The following LDB3 variants were observed in gnomAD, a reference collection of about 807,000 sequenced individuals.
LDB3 encodes the protein LIM domain-binding protein 3.
A neutral mutation model predicts 69.0 loss-of-function variants in LDB3; 49 were observed. The observed-to-expected ratio is 0.71, with a 90% CI of 0.56 to 0.90. The LOEUF is 0.90. Among genes scored for constraint, LDB3 ranks in the 40% least tolerant of loss-of-function variants. LDB3 has a pLI of 0.00. For missense variants in LDB3, 928 were observed against 974.1 expected (o/e 0.95, Z 0.63); for synonymous variants, 387 against 396.2 (o/e 0.98, Z 0.28).
In LDB3 at chr10:86,726,236, C is replaced by T; in HGVS notation, c.2078C>T (p.Thr693Ile). 1.9e-6 allele frequency: 3 copies of T among 1,613,964 alleles called. No individual in the cohort carries two copies. Among genetic ancestry groups the T allele is most frequent in the Non-Finnish European group, 2.5e-6 (3 of 1,179,880 alleles). The change falls in exon 13 of 14, where the codon ACC becomes ATC. Residue 693 changes from threonine to isoleucine, a missense_variant. Transcript: ENST00000361373. ...GCCCTGGGCCACACTTGGCACGACACCTGCTTCATTTGCGCAGTATGTCTC... is the reference window on the plus strand; with the variant it reads ...GCCCTGGGCCACACTTGGCACGACATCTGCTTCATTTGCGCAGTATGTCTC... ...IEALGHTWHDTCFICAVCHVN... is the reference protein window; with the variant it reads ...IEALGHTWHDICFICAVCHVN...
In LDB3 at chr10:86,732,872, T is replaced by A; in HGVS notation, c.2095-15T>A. 1 of 1,609,964 alleles carries A rather than the reference T, an allele frequency of 6.2e-7. No homozygotes were observed. The highest frequency in any genetic ancestry group is 2.2e-5 in the East Asian group (1 of 44,826). ...GTGCCACGTGGGTCTCACGCAGGTC[T>A]GTTCTCTGCTCCAGGTCTGCCATGT... On this transcript the variant is annotated splice_polypyrimidine_tract_variant and intron_variant, in intron 13 of 13. Transcript: ENST00000361373.
intron 9 of LDB3, chr10:86,710,286 G>A: frequency 2.0e-6 from 2 of 984,158 alleles, no homozygotes; most frequent in South Asian, 4.7e-5. Flanking sequence ...GAGAGCGAAG[G>A]AGAGCAGAGA....
chr10:86,708,939 C>G (rs1846541146), intron 8 of LDB3, among the ~76,000 whole-genome samples: 2 of 152,156 alleles, frequency 1.3e-5, no homozygotes, highest in African/African-American at 2.4e-5. Context: ...GAGGAACAGA[C>G]AGAAGGAAGG....
At chr10:86,673,554 G>A (rs1844604500) in intron 2 of LDB3, among the ~76,000 whole-genome samples, 1 of 152,100 alleles carries the variant, frequency 6.6e-6, no homozygotes, top group Non-Finnish European at 1.5e-5. Context: ...TTGGGGAGTG[G>A]GACCATGGGG....
chr10:86,678,331 C>G (rs1279268957), intron 2 of LDB3, among the ~76,000 whole-genome samples: 1 of 149,344 alleles, frequency 6.7e-6, no homozygotes, highest in Non-Finnish European at 1.5e-5. Flanking sequence ...GCCACCACAC[C>G]TGGCCACCCT....
intron 7 of LDB3, among the ~76,000 whole-genome samples, chr10:86,696,155 CCT>C (rs1490853980): frequency 6.6e-6 from 1 of 152,220 alleles, no homozygotes; most frequent in Admixed American, 6.5e-5. Flanking sequence ...CCTCTTCCCT[CCT>C]GCAGCCTCTC....
intron 5 of LDB3, among the ~76,000 whole-genome samples, chr10:86,682,158 G>C (rs1311335028): frequency 1.3e-5 from 2 of 152,222 alleles, no homozygotes; most frequent in African/African-American, 4.8e-5. Context: ...GAACAGGACA[G>C]CACAGCCTGC....
intron 2 of LDB3, among the ~76,000 whole-genome samples, chr10:86,672,625 T>C (rs1273619637): frequency 2.2e-5 from 3 of 137,076 alleles, no homozygotes; most frequent in East Asian, 5.0e-4. Context: ...GGGGCCTCCC[T>C]GCAACATCTA....
intron 5 of LDB3, among the ~76,000 whole-genome samples, chr10:86,683,671 A>G (rs532391440): frequency 6.6e-6 from 1 of 152,330 alleles, no homozygotes; most frequent in East Asian, 1.9e-4. Flanking sequence ...GCTTCATCCA[A>G]AGTAAAAGCT....
At chr10:86,702,787 C>T (rs890723845) in intron 7 of LDB3, among the ~76,000 whole-genome samples, 5 of 152,104 alleles carry the variant, frequency 3.3e-5, no homozygotes, top group Non-Finnish European at 7.4e-5. Flanking sequence ...GGAATAAGAG[C>T]CCAAGATCCT....
chr10:86,716,778 T>C lies in LDB3; in HGVS notation c.1676+7T>C, dbSNP rs761499599. ...ACTGCAACAATGTCATCCGGTATGG[T>C]CCAGCTGTGCCCCTGCACTGGGGCA... On this transcript the variant is annotated splice_region_variant and intron_variant, in intron 10 of 13. Transcript: ENST00000361373. 15 of 1,600,030 alleles carry C rather than the reference T, an allele frequency of 9.4e-6. No homozygotes were observed. Among genetic ancestry groups the C allele is most frequent in the Non-Finnish European group, 1.3e-5 (15 of 1,173,930 alleles).
At chr10:86,724,696 G>A (rs1382395506) in intron 12 of LDB3, among the ~76,000 whole-genome samples, 2 of 151,886 alleles carry the variant, frequency 1.3e-5, no homozygotes, top group African/African-American at 2.4e-5. Flanking sequence ...GATGTCATGA[G>A]GATTAAACAG....
chr10:86,726,324 A>G (rs888631908), intron 13 of LDB3, 72 bp downstream of exon 13: 8 of 1,101,520 alleles, frequency 7.3e-6, no homozygotes, highest in Admixed American at 5.5e-5. Flanking sequence ...CAGATGACCA[A>G]CCTCTACATA....
intron 2 of LDB3, among the ~76,000 whole-genome samples, chr10:86,676,670 G>A (rs1036559080): frequency 6.6e-6 from 1 of 152,154 alleles, no homozygotes; most frequent in African/African-American, 2.4e-5. Context: ...TGGTCTTGCC[G>A]TCATCACCCA....
At chr10:86,708,746 G>A (rs1398292567) in intron 8 of LDB3, among the ~76,000 whole-genome samples, 1 of 152,214 alleles carries the variant, frequency 6.6e-6, no homozygotes, top group Non-Finnish European at 1.5e-5. Context: ...TGGGATGCCA[G>A]CTCCCTGAGG....
At chr10:86,707,731 G>A (rs931026472) in intron 8 of LDB3, among the ~76,000 whole-genome samples, 1 of 152,156 alleles carries the variant, frequency 6.6e-6, no homozygotes, top group African/African-American at 2.4e-5. Context: ...TGAGCAAACC[G>A]GCTTGCAGGC....
chr10:86,715,873 C>A lies in LDB3; in HGVS notation c.1232-454C>A, dbSNP rs190639702. 3.6e-3 allele frequency among the ~76,000 whole-genome samples: 552 copies of A among 152,326 alleles called. 2 individuals carry two copies. The highest frequency in any genetic ancestry group is 5.1e-3 in the Non-Finnish European group (345 of 68,032). The stretch of plus-strand genomic sequence containing the variant: ...TTTTGTCCTGAGGGCTGACCTAGGT[C>A]CAGGTTCAGCAAACTTATGCCAAGG... On this transcript the variant is annotated intron_variant, in intron 9 of 13. Transcript: ENST00000361373.
chr10:86,709,984 G>A lies in LDB3; in HGVS notation c.1165G>A (p.Ala389Thr), dbSNP rs924634578. ...ATHTSYSEGP[A>T]APAPKPRVVT... ...CCACACCAGCTACAGTGAGGGCCCC[G>A]CCGCCCCTGCACCCAAGCCCCGGGT... is the stretch of plus-strand genomic sequence containing the variant. The change falls in exon 9 of 14, where the codon GCC becomes ACC. Residue 389 changes from alanine (A) to threonine (T), a missense_variant. Coordinates refer to ENST00000361373, the MANE Select transcript of LDB3 (RefSeq NM_007078.3). 20 of 1,612,894 alleles carry A rather than the reference G, an allele frequency of 1.2e-5. No homozygotes were observed. The highest frequency in any genetic ancestry group is 1.2e-4 in the Admixed American group (7 of 59,984).
In LDB3 at chr10:86,726,193, G is replaced by A; in HGVS notation, c.2035G>A (p.Gly679Ser). The A allele has an allele frequency of 1.2e-6, 2 of 1,614,082 alleles. No homozygotes were observed. The highest frequency in any genetic ancestry group is 1.7e-6 in the Non-Finnish European group (2 of 1,180,032). ...CHGCDFPVEA[G>S]DKFIEALGHT... is the part of the protein sequence containing the mutation. ...TGGCTGCGATTTCCCCGTGGAGGCT[G>A]GCGACAAGTTTATCGAAGCCCTGGG... Residue 679 changes from glycine (G) to serine (S), a missense_variant, in exon 13 of 14, where the codon GGC (glycine) becomes AGC (serine). Transcript: ENST00000361373.
Sources: gnomAD v4.1 joint callset for allele counts (sites outside exome capture counted in the v4.1 genomes callset) on GRCh38, gnomAD v4.1.1 for gene constraint, MANE v1.5 for transcripts, NCBI Gene and HGNC (gene_info 2026-07-23, HGNC 2026-07-21) for gene names.